EHF: variants seen among roughly 807,000 people sequenced by gnomAD.
EHF encodes ESE3 transcription factor.
EHF carries 14 observed loss-of-function variants against 45.1 expected under a neutral mutation model. That is an observed-to-expected ratio of 0.31 (90% CI 0.21 to 0.49). The LOEUF is 0.49. Among genes scored for constraint, EHF ranks in the 20% least tolerant of loss-of-function variants. The pLI, the probability that EHF is intolerant of heterozygous loss-of-function variation, is 0.99. For missense variants in EHF, 282 were observed against 371.4 expected (o/e 0.76, Z 1.98); for synonymous variants, 136 against 131.8 (o/e 1.03, Z -0.22).
At chr11:34,636,770 C>T (rs183484466) in intron 1 of EHF, among the ~76,000 whole-genome samples, 12 of 152,306 alleles carry the variant, frequency 7.9e-5, no homozygotes, top group Admixed American at 2.0e-4. Flanking sequence ...CGGTGGCTCA[C>T]GCCTGTAATC....
At chr11:34,636,259 C>T (rs1853392739) in intron 1 of EHF, among the ~76,000 whole-genome samples, 1 of 152,242 alleles carries the variant, frequency 6.6e-6, no homozygotes, top group African/African-American at 2.4e-5. Flanking sequence ...CTTTTCATGT[C>T]ATCTCTACTT....
At chr11:34,648,455 T>C (rs1854800706) in intron 3 of EHF, among the ~76,000 whole-genome samples, 1 of 152,168 alleles carries the variant, frequency 6.6e-6, no homozygotes, top group African/African-American at 2.4e-5. Context: ...GTACATGTGC[T>C]GAGGCATAAA....
intron 7 of EHF, among the ~76,000 whole-genome samples, chr11:34,658,019 T>C (rs1855827788): frequency 1.3e-5 from 2 of 152,134 alleles, no homozygotes; most frequent in South Asian, 4.1e-4. Context: ...TGACCACCCC[T>C]TTCCCTACCA....
chr11:34,649,321 C>G (rs1854909793), intron 4 of EHF, among the ~76,000 whole-genome samples: 1 of 152,172 alleles, frequency 6.6e-6, no homozygotes, highest in African/African-American at 2.4e-5. Flanking sequence ...CTGCCTCCTA[C>G]TCCTGGTTGT....
chr11:34,640,870 G>A (rs139747454), intron 1 of EHF, among the ~76,000 whole-genome samples: 70 of 152,292 alleles, frequency 4.6e-4, no homozygotes, highest in African/African-American at 1.6e-3. Flanking sequence ...AACACCTGAC[G>A]TGTATTCGTG....
intron 4 of EHF, among the ~76,000 whole-genome samples, chr11:34,650,717 C>G (rs1165056026): frequency 6.6e-6 from 1 of 152,092 alleles, no homozygotes; most frequent in African/African-American, 2.4e-5. Flanking sequence ...CAGCCCAGAT[C>G]TGGGGGTTGC....
intron 1 of EHF, among the ~76,000 whole-genome samples, chr11:34,629,849 A>G (rs1336363533): frequency 9.2e-6 from 1 of 108,694 alleles, no homozygotes; most frequent in Non-Finnish European, 2.1e-5. Flanking sequence ...TTCACCCTTC[A>G]TTTCCCAAGG....
chr11:34,651,547 T>C lies in EHF; in HGVS notation c.412T>C (p.Ser138Pro), dbSNP rs890095765. The C allele has an allele frequency of 9.9e-6, 16 of 1,613,596 alleles. No individual in the cohort carries two copies. The highest frequency in any genetic ancestry group is 1.4e-5 in the Non-Finnish European group (16 of 1,179,624). The change falls in exon 5 of 9, where the codon TCC (serine) becomes CCC (proline). Residue 138 changes from serine to proline, a missense_variant. Physicochemically the swap from Ser to Pro is moderately conservative, Grantham distance 74 (BLOSUM62 -1). Coordinates refer to ENST00000257831, the MANE Select transcript of EHF (RefSeq NM_012153.6). The part of the protein sequence containing the change: ...VIVKTEQTEP[S>P]IMNTWKDENY... Reference sequence around the variant, plus strand: ...TCCTTCTCTATTTTTTGTAGAGCCTTCCATCATGAACACCTGGAAAGACGA... The same window carrying C: ...TCCTTCTCTATTTTTTGTAGAGCCTCCCATCATGAACACCTGGAAAGACGA...
chr11:34,629,256 G>A (rs775505020), intron 1 of EHF, among the ~76,000 whole-genome samples: 2 of 152,132 alleles, frequency 1.3e-5, no homozygotes, highest in Non-Finnish European at 2.9e-5. Context: ...TTAATCCCTT[G>A]AAAAACCTTT....
chr11:34,647,043 AC>A, intron 3 of EHF: 4 of 288,522 alleles, frequency 1.4e-5, no homozygotes, highest in South Asian at 2.4e-4. Flanking sequence ...CATCATGGTT[AC>A]AAAAAAAAAA....
At chr11:34,624,731 C>T (rs1384628246) in intron 1 of EHF, among the ~76,000 whole-genome samples, 1 of 152,106 alleles carries the variant, frequency 6.6e-6, no homozygotes, top group Admixed American at 6.5e-5. Flanking sequence ...GAGTTATTTG[C>T]TAAAATGTTT....
chr11:34,624,312 G>C, intron 1 of EHF: 3 of 985,422 alleles, frequency 3.0e-6, no homozygotes, highest in Non-Finnish European at 3.6e-6. Flanking sequence ...GTGGCTTTCA[G>C]CTTGGGTAAG....
intron 6 of EHF, among the ~76,000 whole-genome samples, chr11:34,653,039 G>A (rs995962912): frequency 6.6e-6 from 1 of 152,168 alleles, no homozygotes; most frequent in African/African-American, 2.4e-5. Flanking sequence ...AATTTCTGTG[G>A]CAATCATTGC....
At chr11:34,635,928 C>A (rs1347222021) in intron 1 of EHF, among the ~76,000 whole-genome samples, 1 of 152,052 alleles carries the variant, frequency 6.6e-6, no homozygotes, top group African/African-American at 2.4e-5. Flanking sequence ...AGTCCAAGCC[C>A]CGCTGTTTAT....
intron 6 of EHF, 69 bp downstream of exon 6, chr11:34,651,874 ACT>A: frequency 7.0e-7 from 1 of 1,428,022 alleles, no homozygotes; most frequent in Non-Finnish European, 9.7e-7. Flanking sequence ...AATTACCAAC[ACT>A]CTACATTTCT....
chr11:34,639,550 G>A (rs1247264945), intron 1 of EHF, among the ~76,000 whole-genome samples: 1 of 152,204 alleles, frequency 6.6e-6, no homozygotes, highest in Admixed American at 6.5e-5. Context: ...GGTAGGACTC[G>A]GCCAAAGCCC....
Position 34,643,073 on chromosome 11 carries a change from T to C in EHF, c.97+346T>C, listed in dbSNP as rs1202030287. On this transcript the variant is annotated intron_variant, in intron 2 of 8. Coordinates refer to ENST00000257831, the MANE Select transcript of EHF (RefSeq NM_012153.6). ...TAGGCTAGGAGAGAAAGGGTATGTG[T>C]GTGTGTGTGTGTGTGTGTGTGTGTA... Among the ~76,000 whole-genome samples the C allele has an allele frequency of 2.7e-5, 4 of 150,044 alleles. No homozygotes were observed. In the East Asian group the frequency reaches 8.8e-4, roughly 33 times the overall value.
At chr11:34,649,314 C>A (rs1854909541) in intron 4 of EHF, among the ~76,000 whole-genome samples, 1 of 152,194 alleles carries the variant, frequency 6.6e-6, no homozygotes, top group African/African-American at 2.4e-5. Context: ...CACTTCTCTG[C>A]CTCCTACTCC....
chr11:34,632,410 C>T (rs1036592584), intron 1 of EHF: 2 of 1,400,030 alleles, frequency 1.4e-6, no homozygotes, highest in Admixed American at 2.5e-5. Flanking sequence ...GCTCCTGACC[C>T]TCCTACACAT....
Sources: gnomAD v4.1 joint callset for allele counts (sites outside exome capture counted in the v4.1 genomes callset) on GRCh38, gnomAD v4.1.1 for gene constraint, MANE v1.5 for transcripts, NCBI Gene and HGNC (gene_info 2026-07-23, HGNC 2026-07-21) for gene names.